KGD4: variants seen among roughly 807,000 people sequenced by gnomAD.
KGD4 encodes alpha-ketoglutarate dehydrogenase subunit 4.
At chr5:69,218,018 TGA>T in the KGD4 span, 1 of 1,311,016 alleles carries the variant, frequency 7.6e-7, no homozygotes, top group South Asian at 1.3e-5. Context: ...CGGGTGTGTG[TGA>T]GGATGGGACT....
the KGD4 span, among the ~76,000 whole-genome samples, chr5:69,226,171 G>A: frequency 2.6e-5 from 4 of 152,200 alleles, no homozygotes; most frequent in Non-Finnish European, 4.4e-5. Flanking sequence ...GTGTTTACCG[G>A]GTAGACAAGT....
the KGD4 span, chr5:69,217,782 A>G: frequency 1.2e-5 from 20 of 1,610,418 alleles, no homozygotes; most frequent in Non-Finnish European, 1.6e-5. Flanking sequence ...GACTCCAGTG[A>G]TCGCCGCGGC....
the KGD4 span, among the ~76,000 whole-genome samples, chr5:69,221,593 C>T: frequency 1.4e-3 from 216 of 152,282 alleles, no homozygotes; most frequent in African/African-American, 4.9e-3. Flanking sequence ...ACAGACCTCA[C>T]GTTCTTCACA....
chr5:69,228,460 G>A, the KGD4 span: 1 of 1,388,678 alleles, frequency 7.2e-7, no homozygotes. Flanking sequence ...TTCATTTGCT[G>A]ATTTACATGC....
chr5:69,217,779 G>T, the KGD4 span: 8 of 1,612,550 alleles, frequency 5.0e-6, no homozygotes, highest in Non-Finnish European at 5.9e-6. Flanking sequence ...CGGGACTCCA[G>T]TGATCGCCGC....
At chr5:69,227,032 T>C in the KGD4 span, among the ~76,000 whole-genome samples, 1 of 152,054 alleles carries the variant, frequency 6.6e-6, no homozygotes. Flanking sequence ...CTAGCACGCC[T>C]GGCTAATTTT....
the KGD4 span, chr5:69,218,018 T>C: frequency 9.9e-6 from 13 of 1,310,898 alleles, no homozygotes; most frequent in Non-Finnish European, 1.4e-5. Flanking sequence ...CGGGTGTGTG[T>C]GAGGATGGGA....
At chr5:69,224,800 T>C in the KGD4 span, among the ~76,000 whole-genome samples, 1 of 151,646 alleles carries the variant, frequency 6.6e-6, no homozygotes, top group Admixed American at 6.6e-5. Context: ...TTCTGCCGGG[T>C]GCGGTGGCTC....
chr5:69,219,649 C>CA, the KGD4 span, among the ~76,000 whole-genome samples: 1 of 151,942 alleles, frequency 6.6e-6, no homozygotes, highest in Non-Finnish European at 1.5e-5. Context: ...GACCTGTACT[C>CA]ACCTATTTAG....
chr5:69,218,006 C>T, the KGD4 span: 10 of 1,425,390 alleles, frequency 7.0e-6, no homozygotes, highest in African/African-American at 8.5e-5. Flanking sequence ...TGACGGCGCC[C>T]GCGGGTGTGT....
the KGD4 span, among the ~76,000 whole-genome samples, chr5:69,220,637 TC>T: frequency 6.6e-6 from 1 of 152,004 alleles, no homozygotes; most frequent in Admixed American, 6.6e-5. Context: ...AGTGCAATCT[TC>T]CAAGTGTGAA....
chr5:69,219,099 AG>A, the KGD4 span, among the ~76,000 whole-genome samples: 1 of 152,238 alleles, frequency 6.6e-6, no homozygotes, highest in Non-Finnish European at 1.5e-5. Context: ...TAAAACCATG[AG>A]GTCCTACACA....
the KGD4 span, among the ~76,000 whole-genome samples, chr5:69,228,041 C>T: frequency 1.4e-3 from 211 of 152,242 alleles, no homozygotes; most frequent in African/African-American, 4.9e-3. Flanking sequence ...AACTGAGTTA[C>T]TCTACAATAT....
the KGD4 span, among the ~76,000 whole-genome samples, chr5:69,219,336 G>GA: frequency 5.3e-5 from 8 of 152,002 alleles, no homozygotes; most frequent in Admixed American, 5.2e-4. Flanking sequence ...AATGTTCACA[G>GA]AAAAAAAAGA....
At chr5:69,220,833 T>G in the KGD4 span, among the ~76,000 whole-genome samples, 1 of 152,346 alleles carries the variant, frequency 6.6e-6, no homozygotes. Context: ...CATTTTGTTC[T>G]GTACTAAGAA....
chr5:69,228,400 T>C, the KGD4 span: 43 of 1,587,512 alleles, frequency 2.7e-5, no homozygotes, highest in Non-Finnish European at 3.7e-5. Flanking sequence ...ATGTCGTTGC[T>C]CTTTATCCCA....
chr5:69,225,932 T>C, the KGD4 span, among the ~76,000 whole-genome samples: 2 of 152,204 alleles, frequency 1.3e-5, no homozygotes, highest in Admixed American at 6.5e-5. Flanking sequence ...GGTTTCACCA[T>C]GTTGCCCAGG....
the KGD4 span, among the ~76,000 whole-genome samples, chr5:69,228,831 G>A: frequency 6.6e-6 from 1 of 151,928 alleles, no homozygotes; most frequent in South Asian, 2.1e-4. Flanking sequence ...CCTGGCCAAT[G>A]TGGTGAAACC....
chr5:69,225,831 G>A, the KGD4 span, among the ~76,000 whole-genome samples: 7 of 151,936 alleles, frequency 4.6e-5, no homozygotes, highest in Admixed American at 1.3e-4. Flanking sequence ...CGTCCGCCTC[G>A]GCCTCCCAAA....
Sources: allele counts gnomAD v4.1 joint callset (sites outside exome capture counted in the v4.1 genomes callset), GRCh38; gene constraint gnomAD v4.1.1; transcripts MANE v1.5; gene names NCBI Gene and HGNC (gene_info 2026-07-23, HGNC 2026-07-21).